The following CLSPN variants were observed in gnomAD, a reference collection of about 807,000 sequenced individuals.
CLSPN encodes claspin, also known as claspin homolog.
A neutral mutation model predicts 156.3 loss-of-function variants in CLSPN; 85 were observed. That is an observed-to-expected ratio of 0.54 (90% CI 0.46 to 0.65). The LOEUF (loss-of-function observed/expected upper bound fraction) is 0.65, where lower values mean the gene tolerates loss of function less well. Among genes scored for constraint, CLSPN ranks in the 30% least tolerant of loss-of-function variants. The pLI, the probability that CLSPN is intolerant of heterozygous loss-of-function variation, is 0.00. For synonymous variants in CLSPN, 534 were observed against 542.4 expected, an observed-to-expected ratio of 0.98 and a Z score of 0.22; for missense variants, 1,407 against 1,554.9, an observed-to-expected ratio of 0.90 and a Z score of 1.60.
Position 35,739,473 on chromosome 1 carries a change from C to T in CLSPN, c.3200G>A (p.Ser1067Asn). 1 of 1,614,112 alleles carries T rather than the reference C, an allele frequency of 6.2e-7. No individual in the cohort carries two copies. Residue 1067 changes from serine to asparagine, a missense_variant, in exon 19 of 25, where the codon AGC becomes AAC. This residue lies in a region of CLSPN where 70 missense variants were observed against 121.5 expected (regional missense o/e 0.58). Coordinates refer to ENST00000318121, the MANE Select transcript of CLSPN (RefSeq NM_022111.4). ...TTCTTCCCCATCATACTCATCTTCG[C>T]TTCCCACATCACTTCCTGACACCTC... ...EAEVSGSDVG[S>N]EDEYDGEEID...
At chr1:35,737,881 A>T in intron 22 of CLSPN, 111 bp downstream of exon 22, 1 of 555,070 alleles carries the variant, frequency 1.8e-6, no homozygotes, top group Non-Finnish European at 3.1e-6. Context: ...AGACAGTATT[A>T]GACACAAGCT....
Position 35,760,654 on chromosome 1 carries a change from C to T in CLSPN, c.1267G>A (p.Gly423Arg). 1 of 1,614,192 alleles carries T rather than the reference C, an allele frequency of 6.2e-7. No homozygotes were observed. Among genetic ancestry groups the T allele is most frequent in the Non-Finnish European group, 8.5e-7 (1 of 1,180,046 alleles). ...QKQSDIRPSP[G>R]DSSVLQQESN... ...TCCTGTTGCAACACTGAGCTGTCCC[C>T]AGGTGAAGGTCTAATGTCACTCTGC... The change falls in exon 8 of 25, where the codon GGG (glycine) becomes AGG (arginine). Residue 423 changes from glycine to arginine, a missense_variant. Gly to Arg is a moderately radical substitution (Grantham distance 125). Transcript: ENST00000318121.
chr1:35,751,751 G>T (rs1252979548), intron 9 of CLSPN, among the ~76,000 whole-genome samples: 5 of 151,858 alleles, frequency 3.3e-5, no homozygotes, highest in Admixed American at 2.6e-4. Flanking sequence ...AGAAAAGGTG[G>T]GTAGGGAGTA....
At position 35,764,607 on chromosome 1, in the gene CLSPN, A is replaced by T. The variant is rs1235451201; in HGVS notation, c.241T>A (p.Tyr81Asn). The T allele has an allele frequency of 6.2e-7, 1 of 1,613,654 alleles. No homozygotes were observed. Among genetic ancestry groups the T allele is most frequent in the African/African-American group, 1.3e-5 (1 of 74,916 alleles). The change falls in exon 3 of 25, where the codon TAT (tyrosine) becomes AAT (asparagine). Residue 81 changes from tyrosine (Y) to asparagine (N), a missense_variant. Around this residue, in one of 3 missense-constraint regions of CLSPN, gnomAD observed 1,096 missense variants for 1,193.0 expected, o/e 0.92. Transcript: ENST00000318121. ...TTATTTTCCTCCTCGGCACTGTCAT[A>T]GGTAGTTTTCTCTGGAGAGGCATTT... ...DTNASPEKTT[Y>N]DSAEEENKEN...
At position 35,749,622 on chromosome 1, in the gene CLSPN, G is replaced by T. The variant is rs760271617; in HGVS notation, c.2207+11C>A. ...AGGCAATTTTAAGTTTTCTTAGAGAGAATCACTTACCCCATCTTGGAAGAG... is the reference window on the plus strand; with the variant it reads ...AGGCAATTTTAAGTTTTCTTAGAGATAATCACTTACCCCATCTTGGAAGAG... On this transcript the variant is annotated intron_variant, in intron 11 of 24. Transcript: ENST00000318121. 3 of 1,613,694 alleles carry T rather than the reference G, an allele frequency of 1.9e-6. No individual in the cohort carries two copies. The highest frequency in any genetic ancestry group is 2.5e-6 in the Non-Finnish European group (3 of 1,179,804).
At chr1:35,756,727 C>T (rs866666081) in intron 8 of CLSPN, among the ~76,000 whole-genome samples, 1 of 152,280 alleles carries the variant, frequency 6.6e-6, no homozygotes, top group Non-Finnish European at 1.5e-5. Flanking sequence ...TCTGACATCA[C>T]AAAATTTAAA....
At position 35,736,051 on chromosome 1, in the gene CLSPN, C is replaced by T. The variant is rs1449269396; in HGVS notation, c.*445G>A. On this transcript the variant is annotated 3_prime_UTR_variant, in exon 25 of 25. Coordinates refer to ENST00000318121, the MANE Select transcript of CLSPN (RefSeq NM_022111.4). ...TGGCCAACATGGTGAAACCCCGTCT[C>T]TACTAAAAATACAAAAATTAGCTGG... The T allele has an allele frequency of 1.6e-6, 1 of 633,980 alleles. No homozygotes were observed. The highest frequency in any genetic ancestry group is 1.4e-4 in the East Asian group (1 of 7,098). 39.3% of individuals were successfully genotyped at this position (633,980 alleles called of 1,614,324 possible). A position where few individuals can be genotyped will look rare whatever the true frequency, so the allele number is the denominator to read the frequency against.
At chr1:35,768,568 A>ACGCC (rs1642754146) in intron 1 of CLSPN, among the ~76,000 whole-genome samples, 1 of 147,334 alleles carries the variant, frequency 6.8e-6, no homozygotes, top group Non-Finnish European at 1.5e-5. Flanking sequence ...ACCACAGGCG[A>ACGCC]CGCCCGGCTA....
Position 35,734,070 on chromosome 1 carries a change from C to G in CLSPN, c.*2426G>C. ...CTTCACCTGAGCTGAACCCAAACCA[C>G]TTGGTAAGTTAACTTGATCAATTCA... On this transcript the variant is annotated 3_prime_UTR_variant, in exon 25 of 25. Transcript: ENST00000318121. 1.0e-6 allele frequency: 1 copy of G among 985,442 alleles called. No homozygotes were observed. 61.0% of individuals were successfully genotyped at this position (985,442 alleles called of 1,614,324 possible).
chr1:35,762,318 G>T, intron 5 of CLSPN, 86 bp downstream of exon 5: 1 of 1,226,726 alleles, frequency 8.2e-7, no homozygotes, highest in Non-Finnish European at 1.2e-6. Flanking sequence ...AAATATGATA[G>T]ACAAAATAAA....
At position 35,732,390 on chromosome 1, in the gene CLSPN, ACT is replaced by A. The variant is rs1488837599; in HGVS notation, c.*4104_*4105del. The A allele has an allele frequency of 1.0e-5, 10 of 985,042 alleles. No homozygotes were observed. In the East Asian group the frequency reaches 9.1e-4, roughly 89 times the overall value. 61.0% of individuals were successfully genotyped at this position (985,042 alleles called of 1,614,324 possible). On this transcript the variant is annotated 3_prime_UTR_variant, in exon 25 of 25. Coordinates refer to ENST00000318121, the MANE Select transcript of CLSPN (RefSeq NM_022111.4). ...AAGTCTCCCAGCCTGAGCATTAGAA[ACT>A]CTCAAAGTGAGGAGAAGTTTGTAGA...
downstream of CLSPN, among the ~76,000 whole-genome samples, chr1:35,731,321 A>AT (rs775886045): frequency 2.0e-5 from 3 of 152,120 alleles, no homozygotes; most frequent in Non-Finnish European, 2.9e-5. Flanking sequence ...ACAAAGAAGG[A>AT]GGATGGATGT....
intron 1 of CLSPN, among the ~76,000 whole-genome samples, chr1:35,766,799 A>AT (rs1642693413): frequency 6.7e-6 from 1 of 148,802 alleles, no homozygotes; most frequent in African/African-American, 2.5e-5. Context: ...TTATTGCCCA[A>AT]GCTGGAGTGC....
At chr1:35,750,900 T>C (rs1206625333) in intron 10 of CLSPN, among the ~76,000 whole-genome samples, 1 of 151,964 alleles carries the variant, frequency 6.6e-6, no homozygotes, top group Non-Finnish European at 1.5e-5. Context: ...TTTAATCTGC[T>C]AGAGAAACCT....
rs1334601341 is a variant in CLSPN at position 35,769,944 on chromosome 1, C to G, written c.-74G>C. 2.3e-5 allele frequency: 36 copies of G among 1,557,924 alleles called. No homozygotes were observed. Among genetic ancestry groups the G allele is most frequent in the Non-Finnish European group, 3.1e-5 (35 of 1,138,964 alleles). ...CCCTCAGCCGGAGAGCAGCGGCTCC[C>G]GCCGTCTCCAGCCCAGCAGTGCTGT... On this transcript the variant is annotated 5_prime_UTR_variant, in exon 1 of 25. Coordinates refer to ENST00000318121, the MANE Select transcript of CLSPN (RefSeq NM_022111.4).
At chr1:35,747,371 T>C (rs1454859224) in intron 14 of CLSPN, among the ~76,000 whole-genome samples, 1 of 149,964 alleles carries the variant, frequency 6.7e-6, no homozygotes, top group African/African-American at 2.4e-5. Flanking sequence ...AAGTAGGGGG[T>C]GAAAAACCTC....
intron 16 of CLSPN, 130 bp downstream of exon 16, chr1:35,745,321 A>C (rs1272951382): frequency 1.6e-6 from 1 of 636,624 alleles, no homozygotes; most frequent in Non-Finnish European, 2.8e-6. Flanking sequence ...TAATTTGCTT[A>C]CTAGGCATAT....
chr1:35,743,056 G>T, intron 18 of CLSPN, 85 bp downstream of exon 18: 2 of 985,998 alleles, frequency 2.0e-6, no homozygotes, highest in East Asian at 2.4e-5. Flanking sequence ...CAAAATGATG[G>T]GATTACAGGC....
At chr1:35,721,130 C>T (rs918314534) in intron 24 of CLSPN, 13 of 594,020 alleles carry the variant, frequency 2.2e-5, no homozygotes, top group African/African-American at 5.6e-5. Context: ...TTTCTTTCAC[C>T]GACAATTGAA....
Sources: gnomAD v4.1 joint callset for allele counts (sites outside exome capture counted in the v4.1 genomes callset) on GRCh38, gnomAD v4.1.1 for gene constraint, gnomAD v4.1.1 regional missense constraint, MANE v1.5 for transcripts, NCBI Gene and HGNC (gene_info 2026-07-23, HGNC 2026-07-21) for gene names.